Variants in FGF10 observed in about 807,000 individuals in gnomAD.
The protein encoded by FGF10 is FGF-10.
FGF10 carries 2 observed loss-of-function variants against 19.8 expected under a neutral mutation model. The ratio of observed to expected loss-of-function variants is 0.10; its 90% CI spans 0.04 to 0.32. FGF10 has a LOEUF of 0.32. FGF10 is among the 10% of genes least tolerant of loss of function. The pLI is 1.00. For missense variants in FGF10, 191 were observed against 246.3 expected, an observed-to-expected ratio of 0.78 and a Z score of 1.50; for synonymous variants, 112 against 94.0, an observed-to-expected ratio of 1.19 and a Z score of -1.10.
chr5:44,329,688 C>A (rs1318169962), intron 1 of FGF10, among the ~76,000 whole-genome samples: 1 of 152,096 alleles, frequency 6.6e-6, no homozygotes, highest in Admixed American at 6.6e-5. Flanking sequence ...ATGGCTTGGA[C>A]CTTTTAAGTG....
chr5:44,339,596 C>A (rs905567421), intron 1 of FGF10, among the ~76,000 whole-genome samples: 1 of 152,128 alleles, frequency 6.6e-6, no homozygotes, highest in Non-Finnish European at 1.5e-5. Flanking sequence ...GAAACAGTAA[C>A]CTATGAGGCC....
intron 1 of FGF10, among the ~76,000 whole-genome samples, chr5:44,318,840 C>A (rs915907743): frequency 2.6e-5 from 4 of 152,122 alleles, no homozygotes; most frequent in African/African-American, 9.7e-5. Context: ...TCAATCAAAA[C>A]CTCTGATCAA....
intron 1 of FGF10, among the ~76,000 whole-genome samples, chr5:44,368,500 C>T (rs142836565): frequency 1.3e-3 from 191 of 152,218 alleles, no homozygotes; most frequent in African/African-American, 4.5e-3. Flanking sequence ...CAATAATCAT[C>T]TCAGACTAAT....
At chr5:44,361,927 T>C (rs1741491272) in intron 1 of FGF10, among the ~76,000 whole-genome samples, 1 of 151,632 alleles carries the variant, frequency 6.6e-6, no homozygotes. Flanking sequence ...TATCACTCTC[T>C]CAACTGCTCC....
At chr5:44,352,473 T>A (rs1454257718) in intron 1 of FGF10, among the ~76,000 whole-genome samples, 1 of 151,556 alleles carries the variant, frequency 6.6e-6, no homozygotes, top group Non-Finnish European at 1.5e-5. Flanking sequence ...TGACTCCTAC[T>A]CAGCTGCTGA....
chr5:44,382,359 C>T (rs548010869), intron 1 of FGF10, among the ~76,000 whole-genome samples: 1 of 152,250 alleles, frequency 6.6e-6, no homozygotes, highest in Non-Finnish European at 1.5e-5. Context: ...TTGAAACTTT[C>T]TATTTGTGTA....
At chr5:44,381,528 G>A (rs1001688709) in intron 1 of FGF10, among the ~76,000 whole-genome samples, 3 of 151,634 alleles carry the variant, frequency 2.0e-5, no homozygotes, top group African/African-American at 2.4e-5. Context: ...AGGAAGGGAC[G>A]ATAAACTATT....
intron 1 of FGF10, among the ~76,000 whole-genome samples, chr5:44,325,094 C>T (rs183895509): frequency 6.6e-6 from 1 of 152,168 alleles, no homozygotes; most frequent in African/African-American, 2.4e-5. Context: ...TGAGCAGACA[C>T]AAAAGAAGGC....
chr5:44,341,231 T>C (rs1265495780), intron 1 of FGF10, among the ~76,000 whole-genome samples: 2 of 151,952 alleles, frequency 1.3e-5, no homozygotes, highest in South Asian at 2.1e-4. Context: ...ACAGATATTA[T>C]GCAGATTCAT....
Position 44,358,127 on chromosome 5 carries a change from T to C in FGF10, c.325+30231A>G, listed in dbSNP as rs143749582. Among the ~76,000 whole-genome samples the C allele has an allele frequency of 2.0e-3, 310 of 151,634 alleles. 3 individuals are homozygous for C. The highest frequency in any genetic ancestry group is 3.7e-3 in the Non-Finnish European group (253 of 67,650). ...ATATTATACATAAGAACATTATGGTTAATTGACAATTAGGAAGATTCTACA... is the reference window on the plus strand; with the variant it reads ...ATATTATACATAAGAACATTATGGTCAATTGACAATTAGGAAGATTCTACA... On this transcript the variant is annotated intron_variant, in intron 1 of 2. Coordinates refer to ENST00000264664, the MANE Select transcript of FGF10 (RefSeq NM_004465.2).
In FGF10 at chr5:44,388,387, C is replaced by G; in HGVS notation, c.296G>C (p.Ser99Thr). 6.2e-7 allele frequency: 1 copy of G among 1,613,666 alleles called. No individual in the cohort carries two copies. Among genetic ancestry groups the G allele is most frequent in the Non-Finnish European group, 8.5e-7 (1 of 1,180,042 alleles). The change falls in exon 1 of 3, where the codon AGC becomes ACC. Residue 99 changes from serine (S) to threonine (T), a missense_variant. By Grantham distance (58) the Ser-to-Thr change is moderately conservative. Coordinates refer to ENST00000264664, the MANE Select transcript of FGF10 (RefSeq NM_004465.2). ...FLKIEKNGKVSGTKKENCPYS... is the reference protein window; with the variant it reads ...FLKIEKNGKVTGTKKENCPYS... ...CGGGCAGTTCTCCTTCTTGGTCCCG[C>G]TGACCTTCCCGTTCTTCTCAATCTT...
chr5:44,372,702 A>G (rs1017948928), intron 1 of FGF10, among the ~76,000 whole-genome samples: 3 of 152,350 alleles, frequency 2.0e-5, no homozygotes, highest in African/African-American at 7.2e-5. Context: ...CTAGAAAAAA[A>G]GTTATCAGTT....
chr5:44,359,632 T>C (rs1741430306), intron 1 of FGF10, among the ~76,000 whole-genome samples: 1 of 151,506 alleles, frequency 6.6e-6, no homozygotes, highest in Admixed American at 6.6e-5. Flanking sequence ...TTCCTCATTA[T>C]AAAATGGTGA....
chr5:44,382,067 G>A (rs1394205626), intron 1 of FGF10, among the ~76,000 whole-genome samples: 7 of 152,278 alleles, frequency 4.6e-5, no homozygotes, highest in Admixed American at 1.3e-4. Flanking sequence ...AGGTGGACAG[G>A]TTTAGGTTGA....
chr5:44,384,983 A>G (rs1290350699), intron 1 of FGF10, among the ~76,000 whole-genome samples: 1 of 152,094 alleles, frequency 6.6e-6, no homozygotes, highest in African/African-American at 2.4e-5. Flanking sequence ...AAATAAGTCA[A>G]CTGGTCCCAG....
In FGF10 at chr5:44,304,995, C is replaced by T. The variant is rs1341973081; in HGVS notation, c.627G>A (p.Ter209=). 6.2e-7 allele frequency: 1 copy of T among 1,613,880 alleles called. No individual in the cohort carries two copies. The highest frequency in any genetic ancestry group is 8.5e-7 in the Non-Finnish European group (1 of 1,179,808). Residue 209 remains the stop codon, a stop_retained_variant, in exon 3 of 3, where the codon TAG becomes TAA. Transcript: ENST00000264664. ...AHFLPMVVHS[*] ...CTGCATCCACAAACGTTGCCTTCCT[C>T]TATGAGTGTACCACCATTGGAAGAA...
At chr5:44,324,132 T>C (rs754538834) in intron 1 of FGF10, among the ~76,000 whole-genome samples, 16 of 152,080 alleles carry the variant, frequency 1.1e-4, no homozygotes, top group Non-Finnish European at 2.2e-4. Context: ...AAAACTACTA[T>C]GTACTTGAGT....
chr5:44,307,924 T>C (rs1740120106), intron 2 of FGF10, among the ~76,000 whole-genome samples: 2 of 152,204 alleles, frequency 1.3e-5, no homozygotes, highest in Admixed American at 1.3e-4. Flanking sequence ...GTGGAAAGTA[T>C]GTTCTGTAAT....
At chr5:44,320,417 T>TA (rs1403681927) in intron 1 of FGF10, among the ~76,000 whole-genome samples, 2 of 151,778 alleles carry the variant, frequency 1.3e-5, no homozygotes, top group Non-Finnish European at 2.9e-5. Context: ...CCAAAATGAG[T>TA]AAAAAACAAA....
Sources: gnomAD v4.1 joint callset for allele counts (sites outside exome capture counted in the v4.1 genomes callset) on GRCh38, gnomAD v4.1.1 for gene constraint, MANE v1.5 for transcripts, NCBI Gene and HGNC (gene_info 2026-07-23, HGNC 2026-07-21) for gene names.